GALNT18: variants seen among roughly 807,000 people sequenced by gnomAD.
GALNT18 encodes the protein GalNAc-transferase 18.
GALNT18 carries 44 observed loss-of-function variants against 69.5 expected under a neutral mutation model. The observed-to-expected ratio is 0.63, with a 90% CI of 0.50 to 0.81. The LOEUF (loss-of-function observed/expected upper bound fraction) is 0.81. GALNT18 is among the 40% of genes least tolerant of loss of function. The pLI is 0.00. For synonymous variants in GALNT18, 364 were observed against 318.2 expected, an observed-to-expected ratio of 1.14 and a Z score of -1.53; for missense variants, 715 against 810.0, an observed-to-expected ratio of 0.88 and a Z score of 1.42.
intron 3 of GALNT18, among the ~76,000 whole-genome samples, chr11:11,426,782 G>A (rs1324278199): frequency 6.6e-6 from 1 of 152,118 alleles, no homozygotes; most frequent in Non-Finnish European, 1.5e-5. Flanking sequence ...GTGGGAAGGA[G>A]GCATTTGAGT....
chr11:11,372,400 TG>T lies in GALNT18; in HGVS notation c.1092+114del. On this transcript the variant is annotated intron_variant, in intron 6 of 10. Coordinates refer to ENST00000227756, the MANE Select transcript of GALNT18 (RefSeq NM_198516.3). The surrounding 1 kb of genome is among the most constrained non-coding windows in gnomAD (Gnocchi z 4.9). ...CCCAATCACACACAGGATTCAGGACTGGACATTCAGAATCAGTCTGTGACCC... is the reference window on the plus strand; with the variant it reads ...CCCAATCACACACAGGATTCAGGACTGACATTCAGAATCAGTCTGTGACCC... 1.3e-6 allele frequency: 1 copy of T among 770,452 alleles called. No individual in the cohort carries two copies. The allele number at this position is 770,452 out of a possible 1,614,324, so 47.7% of individuals were successfully genotyped here.
chr11:11,481,250 T>C (rs1416113205), intron 1 of GALNT18, among the ~76,000 whole-genome samples: 1 of 149,584 alleles, frequency 6.7e-6, no homozygotes, highest in Non-Finnish European at 1.5e-5. Context: ...GTGCTACCCC[T>C]TGCCCTGGCT....
chr11:11,456,087 G>A lies in GALNT18; in HGVS notation c.236-7151C>T, dbSNP rs537400138. Among the ~76,000 whole-genome samples the A allele has an allele frequency of 1.6e-3, 248 of 152,280 alleles. 2 individuals carry two copies. In the South Asian group the frequency reaches 0.027, roughly 16 times the overall value. ...GAGCAAGACCCTGTCTCAAACAAAA[G>A]AAACAAACCACAGAGTGGCAAAGTG... On this transcript the variant is annotated intron_variant, in intron 1 of 10. Transcript: ENST00000227756.
rs372425160 is a variant in GALNT18, at chr11:11,546,608, C to T, written c.235+74751G>A. Among the ~76,000 whole-genome samples the T allele has an allele frequency of 8.2e-4, 125 of 152,314 alleles. No homozygotes were observed. Among genetic ancestry groups the T allele is most frequent in the Middle Eastern group, 3.4e-3 (1 of 294 alleles). ...CTTGACCGTGCCTTCGAAGCCTTTC[C>T]CAACCCAGATCCAGCCAACCTACCT... On this transcript the variant is annotated intron_variant, in intron 1 of 10. Transcript: ENST00000227756. This position sits in a 1 kb window ranked among gnomAD's most constrained non-coding sequence, Gnocchi z 5.8.
chr11:11,520,346 G>A (rs147637520), intron 1 of GALNT18, among the ~76,000 whole-genome samples: 1 of 152,366 alleles, frequency 6.6e-6, no homozygotes, highest in East Asian at 1.9e-4. Context: ...AGCGCAAGCA[G>A]CGAGGCGCCT....
intron 6 of GALNT18, among the ~76,000 whole-genome samples, chr11:11,367,521 G>A (rs1472424297): frequency 6.6e-6 from 1 of 152,082 alleles, no homozygotes; most frequent in Non-Finnish European, 1.5e-5. Context: ...ATCCAGTCAG[G>A]AGTGATTCAC....
chr11:11,318,251 G>C lies in GALNT18; in HGVS notation c.1512+8835C>G, dbSNP rs145021932. Among the ~76,000 whole-genome samples, 82 of 152,250 alleles carry C rather than the reference G, an allele frequency of 5.4e-4. 2 individuals are homozygous for C. The highest frequency in any genetic ancestry group is 6.8e-3 in the Middle Eastern group (2 of 294). The stretch of plus-strand genomic sequence containing the variant: ...GTCACCCCAAAATTCATATGTTAAA[G>C]TCCTAACCCCCAGTACCTCATAATG... On this transcript the variant is annotated intron_variant, in intron 9 of 10. Transcript: ENST00000227756. The surrounding 1 kb of genome is among the most constrained non-coding windows in gnomAD (Gnocchi z 5.1).
chr11:11,455,178 CA>C (rs558459562), intron 1 of GALNT18, among the ~76,000 whole-genome samples: 11 of 152,196 alleles, frequency 7.2e-5, no homozygotes, highest in Non-Finnish European at 1.5e-4. Flanking sequence ...ATCTAAGCAA[CA>C]AATATTTCAG....
chr11:11,306,251 A>G (rs73417642), intron 9 of GALNT18, among the ~76,000 whole-genome samples: 2,068 of 148,506 alleles, frequency 0.014, 49 homozygotes, highest in African/African-American at 0.048. Context: ...GTGTGTGTGC[A>G]TGCATGTGCA....
rs1328415985 is a variant in GALNT18 at position 11,339,551 on chromosome 11, G to GTC, written c.1278+1267_1278+1268insGA. 6.6e-6 allele frequency among the ~76,000 whole-genome samples: 1 copy of GTC among 152,158 alleles called. No homozygotes were observed. Among genetic ancestry groups the GTC allele is most frequent in the Non-Finnish European group, 1.5e-5 (1 of 68,036 alleles). On this transcript the variant is annotated intron_variant, in intron 7 of 10. Transcript: ENST00000227756. The surrounding 1 kb of genome is among the most constrained non-coding windows in gnomAD (Gnocchi z 5.2). ...GCCATCACAGGACACCTACCACAGG[G>GTC]CTTGGCACCCCGTGCAGAATACCGT... is the stretch of plus-strand genomic sequence containing the variant.
rs1414225256 is a variant in GALNT18, at chr11:11,497,319, CT to C, written c.236-48384del. Among the ~76,000 whole-genome samples, 1 of 137,270 alleles carries C rather than the reference CT, an allele frequency of 7.3e-6. No individual in the cohort carries two copies. Among genetic ancestry groups the C allele is most frequent in the Non-Finnish European group, 1.5e-5 (1 of 65,108 alleles). 90.1% of individuals were successfully genotyped at this position (137,270 alleles called of 152,430 possible). A position where few individuals can be genotyped will look rare whatever the true frequency, so the allele number is the denominator to read the frequency against. On this transcript the variant is annotated intron_variant, in intron 1 of 10. Coordinates refer to ENST00000227756, the MANE Select transcript of GALNT18 (RefSeq NM_198516.3). The surrounding 1 kb of genome is among the most constrained non-coding windows in gnomAD (Gnocchi z 4.2). ...CTACTTATTATTTATGTTTTACCTC[CT>C]GTCTCCAACACACACACACACACAC...
Position 11,356,573 on chromosome 11 carries a change from C to T in GALNT18, c.1093-15569G>A, listed in dbSNP as rs146234739. On this transcript the variant is annotated intron_variant, in intron 6 of 10. Coordinates refer to ENST00000227756, the MANE Select transcript of GALNT18 (RefSeq NM_198516.3). The surrounding 1 kb of genome is among the most constrained non-coding windows in gnomAD (Gnocchi z 4.4). Reference sequence around the variant, plus strand: ...ATCCCCAGTCTATAATCAAAGTTCACCAATTGTCCCAATCAAAGCCTTTAT... The same window carrying T: ...ATCCCCAGTCTATAATCAAAGTTCATCAATTGTCCCAATCAAAGCCTTTAT... Among the ~76,000 whole-genome samples the T allele has an allele frequency of 1.6e-3, 242 of 152,278 alleles. 1 individual carries two copies. The highest frequency in any genetic ancestry group is 5.4e-3 in the African/African-American group (223 of 41,554).
chr11:11,489,279 A>C (rs1321688922), intron 1 of GALNT18, among the ~76,000 whole-genome samples: 2 of 152,240 alleles, frequency 1.3e-5, no homozygotes, highest in Non-Finnish European at 2.9e-5. Context: ...GCTGTTAGCA[A>C]ACTGATAGCT....
intron 10 of GALNT18, among the ~76,000 whole-genome samples, chr11:11,288,163 T>TA (rs1445448169): frequency 6.6e-6 from 1 of 152,198 alleles, no homozygotes; most frequent in Non-Finnish European, 1.5e-5. Context: ...CTTCTGCTTT[T>TA]AATGTGAAGT....
In GALNT18 at chr11:11,614,362, AGAGGAG is replaced by A. The variant is rs10612380; in HGVS notation, c.235+6991_235+6996del. On this transcript the variant is annotated intron_variant, in intron 1 of 10. Coordinates refer to ENST00000227756, the MANE Select transcript of GALNT18 (RefSeq NM_198516.3). This position sits in a 1 kb window ranked among gnomAD's most constrained non-coding sequence, Gnocchi z 5.6. The stretch of plus-strand genomic sequence containing the variant: ...CAAGAGAGTGAGGAGAAGAAGAAGA[AGAGGAG>A]GAGGAGGAGGAGGAGGAGGAGGAGG... 8.8e-3 allele frequency among the ~76,000 whole-genome samples: 1,281 copies of A among 146,334 alleles called. 8 individuals are homozygous for A. The highest frequency in any genetic ancestry group is 0.013 in the South Asian group (60 of 4,484).
intron 1 of GALNT18, among the ~76,000 whole-genome samples, chr11:11,569,413 C>T (rs1858731327): frequency 6.6e-6 from 1 of 152,168 alleles, no homozygotes; most frequent in South Asian, 2.1e-4. Flanking sequence ...GTGAGATTCA[C>T]ACTTTTAGAT....
At chr11:11,271,428 C>T (rs1848825304) in intron 10 of GALNT18, 138 bp from the exon 11 acceptor site, 3 of 809,772 alleles carry the variant, frequency 3.7e-6, no homozygotes, top group Admixed American at 2.4e-5. Context: ...TCCCATGAAA[C>T]TGCAGGCTCC....
chr11:11,524,079 C>G (rs765384342), intron 1 of GALNT18, among the ~76,000 whole-genome samples: 8 of 152,022 alleles, frequency 5.3e-5, no homozygotes, highest in Non-Finnish European at 1.0e-4. Context: ...ACTGATGTAG[C>G]CCAAGTCATA....
rs1236036756 is a variant in GALNT18 at position 11,341,464 on chromosome 11, A to G, written c.1093-460T>C. ...ACATGGGCCTGGACAAGAATTAGTG[A>G]TCACCACAGAGAAGGGTGTCACCAG... On this transcript the variant is annotated intron_variant, in intron 6 of 10. Coordinates refer to ENST00000227756, the MANE Select transcript of GALNT18 (RefSeq NM_198516.3). The surrounding 1 kb of genome is among the most constrained non-coding windows in gnomAD (Gnocchi z 6.3). Among the ~76,000 whole-genome samples the G allele has an allele frequency of 5.9e-5, 9 of 152,226 alleles. No homozygotes were observed. In the East Asian group the frequency reaches 1.4e-3, roughly 23 times the overall value.
Sources: allele counts gnomAD v4.1 joint callset (sites outside exome capture counted in the v4.1 genomes callset), GRCh38; gene constraint gnomAD v4.1.1; non-coding constraint Gnocchi (gnomAD v3.1); transcripts MANE v1.5; gene names NCBI Gene and HGNC (gene_info 2026-07-23, HGNC 2026-07-21).